The following IYD variants were observed in gnomAD, a reference collection of about 807,000 sequenced individuals.
The protein encoded by IYD is iodotyrosine deiodinase, also known as iodotyrosine deiodinase 1.
IYD carries 25 observed loss-of-function variants against 28.4 expected under a neutral mutation model. That is an observed-to-expected ratio of 0.88 (90% confidence interval 0.64 to 1.23). The LOEUF (loss-of-function observed/expected upper bound fraction) is 1.23. IYD is among the 50% of genes most tolerant of loss of function. The probability of loss-of-function intolerance (pLI) is 0.00; values close to 1 mark genes in which losing one functional copy is unlikely to be tolerated. For missense variants in IYD, 352 were observed against 357.9 expected (o/e 0.98, Z 0.13); for synonymous variants, 140 against 130.8 (o/e 1.07, Z -0.48).
rs1582803081 is a variant in IYD at position 150,396,608 on chromosome 6, C to T, written c.688-1447C>T. 1.4e-5 allele frequency: 8 copies of T among 565,090 alleles called. No individual in the cohort carries two copies. The Admixed American group carries it at 2.1e-4, about 15-fold the overall frequency. The allele number at this position is 565,090 out of a possible 1,614,324, so 35.0% of individuals were successfully genotyped here. A position where few individuals can be genotyped will look rare whatever the true frequency, so the allele number is the denominator to read the frequency against. ...TTTAAGACTTGGCCAGGTGCGGTGG[C>T]TCACGCCTCTAATCCCAGCACTTTG... On this transcript the variant is annotated intron_variant, in intron 4 of 4. Coordinates refer to ENST00000344419, the MANE Select transcript of IYD (RefSeq NM_203395.3).
At chr6:150,373,538 T>A (rs747236968) in intron 1 of IYD, among the ~76,000 whole-genome samples, 6 of 152,200 alleles carry the variant, frequency 3.9e-5, no homozygotes, top group Non-Finnish European at 7.4e-5. Context: ...CCCAACCAAG[T>A]AGCATACTAG....
chr6:150,395,740 C>G, intron 4 of IYD: 1 of 695,326 alleles, frequency 1.4e-6, no homozygotes, highest in African/African-American at 1.8e-5. Flanking sequence ...CCATGCATGT[C>G]TTGTAGAGGC....
At position 150,394,157 on chromosome 6, in the gene IYD, C is replaced by T; in HGVS notation, c.589C>T (p.Gln197Ter). Residue 197 changes from glutamine (Q) to a stop codon, truncating the protein, a stop_gained, in exon 4 of 5, where the codon CAA (glutamine) becomes TAA (stop). Transcript: ENST00000344419. LOFTEE classifies it high-confidence loss of function. Reference sequence around the variant, plus strand: ...CCCTATTTTGATTCTCATTTTCAAACAAGTACATGGTTTCGCCGCAAATGG... The same window carrying T: ...CCCTATTTTGATTCTCATTTTCAAATAAGTACATGGTTTCGCCGCAAATGG... ...TAPILILIFKQVHGFAANGKK... is the reference protein window; with the variant it reads ...TAPILILIFK 1.2e-6 allele frequency: 2 copies of T among 1,614,106 alleles called. No individual in the cohort carries two copies. The highest frequency in any genetic ancestry group is 1.3e-5 in the African/African-American group (1 of 75,030).
intron 1 of IYD, among the ~76,000 whole-genome samples, chr6:150,372,493 GAC>G: frequency 3.2e-5 from 1 of 30,854 alleles, no homozygotes; most frequent in African/African-American, 9.5e-5. Flanking sequence ...ATGCTTATTA[GAC>G]ATGTGTGTGG....
chr6:150,391,549 G>A (rs1195135392), intron 2 of IYD, among the ~76,000 whole-genome samples: 1 of 152,166 alleles, frequency 6.6e-6, no homozygotes, highest in Non-Finnish European at 1.5e-5. Flanking sequence ...AATTAGAGAA[G>A]CAGAGGTGAG....
At position 150,389,538 on chromosome 6, in the gene IYD, C is replaced by T. The variant is rs143074952; in HGVS notation, c.365C>T (p.Thr122Met). The T allele has an allele frequency of 6.0e-5, 97 of 1,613,658 alleles. No homozygotes were observed. The highest frequency in any genetic ancestry group is 7.3e-5 in the Non-Finnish European group (86 of 1,179,686). The change falls in exon 2 of 5, where the codon ACG (threonine) becomes ATG (methionine). Residue 122 changes from threonine to methionine, a missense_variant. By Grantham distance (81) the Thr-to-Met change is moderately conservative. Transcript: ENST00000344419. Reference sequence around the variant, plus strand: ...GAAGTCATTGATAATGTCATCAGAACGGCAGGTTTGTAATTGCAGATGGGG... The same window carrying T: ...GAAGTCATTGATAATGTCATCAGAATGGCAGGTTTGTAATTGCAGATGGGG... Reference protein sequence around the residue: ...PMEVIDNVIRTAGTAPSGAHT... With the variant: ...PMEVIDNVIRMAGTAPSGAHT...
At chr6:150,373,742 T>C (rs887375593) in intron 1 of IYD, among the ~76,000 whole-genome samples, 1 of 152,228 alleles carries the variant, frequency 6.6e-6, no homozygotes, top group Non-Finnish European at 1.5e-5. Flanking sequence ...CCAAAAATTC[T>C]ATATTAAGTC....
Position 150,370,600 on chromosome 6 carries a change from G to A in IYD, c.178+1391G>A, listed in dbSNP as rs921814445. 8 of 985,260 alleles carry A rather than the reference G, an allele frequency of 8.1e-6. No homozygotes were observed. In the African/African-American group the frequency reaches 1.4e-4, roughly 17 times the overall value. The allele number at this position is 985,260 out of a possible 1,614,324, so 61.0% of individuals were successfully genotyped here. A position where few individuals can be genotyped will look rare whatever the true frequency, so the allele number is the denominator to read the frequency against. On this transcript the variant is annotated intron_variant, in intron 1 of 4. Coordinates refer to ENST00000344419, the MANE Select transcript of IYD (RefSeq NM_203395.3). Reference sequence around the variant, plus strand: ...CCTACATTGAAACCTCTTCCACTCAGAACGTCAATTCTACCCAGCGGAGAA... The same window carrying A: ...CCTACATTGAAACCTCTTCCACTCAAAACGTCAATTCTACCCAGCGGAGAA...
chr6:150,371,146 G>A (rs1213700086), intron 1 of IYD, among the ~76,000 whole-genome samples: 1 of 152,180 alleles, frequency 6.6e-6, no homozygotes, highest in Non-Finnish European at 1.5e-5. Flanking sequence ...GTGGGAAAGG[G>A]GGCTCTGGGA....
At chr6:150,389,331 C>T in intron 1 of IYD, 21 bp from the exon 2 acceptor site, 3 of 1,602,632 alleles carry the variant, frequency 1.9e-6, no homozygotes, top group Non-Finnish European at 1.7e-6. Flanking sequence ...AGTTTGTTAC[C>T]TTTCTTATTC....
intron 1 of IYD, chr6:150,369,882 G>T (rs1777155098): frequency 4.4e-6 from 3 of 680,268 alleles, no homozygotes; most frequent in Non-Finnish European, 8.0e-6. Flanking sequence ...AGAAGCACCT[G>T]GAGGCCTGGG....
intron 1 of IYD, among the ~76,000 whole-genome samples, chr6:150,374,631 G>C (rs559936053): frequency 6.6e-6 from 1 of 152,218 alleles, no homozygotes; most frequent in South Asian, 2.1e-4. Flanking sequence ...GAACAGTATG[G>C]GGGAAACTGC....
chr6:150,379,756 G>A (rs1777579675), intron 1 of IYD, among the ~76,000 whole-genome samples: 1 of 152,114 alleles, frequency 6.6e-6, no homozygotes, highest in South Asian at 2.1e-4. Flanking sequence ...ACCATTGTTT[G>A]TTCTCAGGTC....
At chr6:150,389,690 G>A (rs1778038650) in intron 2 of IYD, 147 bp downstream of exon 2, 1 of 733,438 alleles carries the variant, frequency 1.4e-6, no homozygotes. Context: ...TGCTGAGTGA[G>A]TGCCAGAAAC....
chr6:150,396,934 T>C (rs987343503), intron 4 of IYD: 2 of 152,010 alleles, frequency 1.3e-5, no homozygotes, highest in African/African-American at 4.8e-5. Context: ...TGTGAAGATA[T>C]GATCAAGGAG....
intron 1 of IYD, chr6:150,370,765 G>T (rs1389971727): frequency 1.6e-6 from 1 of 615,426 alleles, no homozygotes; most frequent in Non-Finnish European, 2.0e-6. Flanking sequence ...GAGCAACAGG[G>T]TTTGCTAGTA....
rs1291034765 is a variant in IYD at position 150,403,830 on chromosome 6, G to T, written c.*5593G>T. 2.6e-5 allele frequency: 4 copies of T among 152,190 alleles called. No individual in the cohort carries two copies. The highest frequency in any genetic ancestry group is 9.7e-5 in the African/African-American group (4 of 41,440). The allele number at this position is 152,190 out of a possible 1,614,324, so 9.4% of individuals were successfully genotyped here. ...ACAGCATTTAAATGTCTTTAGAGCA[G>T]GATGGAAATATGTTAGCAATGCCTG... On this transcript the variant is annotated 3_prime_UTR_variant, in exon 5 of 5. Coordinates refer to ENST00000344419, the MANE Select transcript of IYD (RefSeq NM_203395.3).
chr6:150,398,515 A>G lies in IYD; in HGVS notation c.*278A>G, dbSNP rs1174413522. ...TTAAAAGTTATTCTAGACAATCACT[A>G]TTGGCTTTTTTCTTTTATTTTTAAA... On this transcript the variant is annotated 3_prime_UTR_variant, in exon 5 of 5. Coordinates refer to ENST00000344419, the MANE Select transcript of IYD (RefSeq NM_203395.3). 2 of 373,106 alleles carry G rather than the reference A, an allele frequency of 5.4e-6. No homozygotes were observed. The highest frequency in any genetic ancestry group is 4.7e-5 in the East Asian group (1 of 21,404). The allele number at this position is 373,106 out of a possible 1,614,324, so 23.1% of individuals were successfully genotyped here. A position where few individuals can be genotyped will look rare whatever the true frequency, so the allele number is the denominator to read the frequency against.
chr6:150,390,601 G>C (rs1268942808), intron 2 of IYD, among the ~76,000 whole-genome samples: 1 of 152,132 alleles, frequency 6.6e-6, no homozygotes, highest in Non-Finnish European at 1.5e-5. Context: ...CCCACCAAGA[G>C]TCTGCAGCCC....
Sources: gnomAD v4.1 joint callset for allele counts (sites outside exome capture counted in the v4.1 genomes callset) on GRCh38, gnomAD v4.1.1 for gene constraint, MANE v1.5 for transcripts, NCBI Gene and HGNC (gene_info 2026-07-23, HGNC 2026-07-21) for gene names.